The following USP22 variants were observed in gnomAD, a reference collection of about 807,000 sequenced individuals.
The protein encoded by USP22 is ubiquitin carboxyl-terminal hydrolase 22.
Under a neutral mutation model 68.1 loss-of-function variants are expected in USP22, and 22 were observed. The observed-to-expected ratio is 0.32, with a 90% CI of 0.23 to 0.46. The LOEUF is 0.46. USP22 is among the 20% of genes least tolerant of loss of function. The pLI is 1.00. For synonymous variants in USP22, 279 were observed against 274.2 expected, an observed-to-expected ratio of 1.02 and a Z score of -0.17; for missense variants, 433 against 695.8, an observed-to-expected ratio of 0.62 and a Z score of 4.25.
chr17:21,031,527 A>G (rs1250411728), intron 1 of USP22, among the ~76,000 whole-genome samples: 1 of 151,408 alleles, frequency 6.6e-6, no homozygotes, highest in Non-Finnish European at 1.5e-5. Context: ...TATGCTACAC[A>G]CTCCATTATA....
intron 5 of USP22, among the ~76,000 whole-genome samples, 195 bp downstream of exon 5, chr17:21,017,747 C>T (rs945962441): frequency 2.0e-5 from 3 of 152,202 alleles, no homozygotes; most frequent in African/African-American, 2.4e-5. Context: ...GTCAGCAGTG[C>T]GTCCCCAAAA....
chr17:21,003,966 T>C (rs1913687945), intron 12 of USP22, among the ~76,000 whole-genome samples: 1 of 151,756 alleles, frequency 6.6e-6, no homozygotes, highest in East Asian at 1.9e-4. Flanking sequence ...ACAACTGCTC[T>C]GACGTTCTCT....
At chr17:21,009,318 C>CT (rs1913874931) in intron 8 of USP22, among the ~76,000 whole-genome samples, 1 of 152,122 alleles carries the variant, frequency 6.6e-6, no homozygotes, top group Non-Finnish European at 1.5e-5. Flanking sequence ...ATGGAAAGCC[C>CT]TTATTTATGC....
Position 21,002,670 on chromosome 17 carries a change from G to C in USP22, c.*361C>G. ...ACCCATAATCTTACAGCAGGTAGGG[G>C]CCTTTCCACACCGAGTGCTGGGGAA... is the stretch of plus-strand genomic sequence containing the variant. On this transcript the variant is annotated 3_prime_UTR_variant, in exon 13 of 13. Coordinates refer to ENST00000261497, the MANE Select transcript of USP22 (RefSeq NM_015276.2). 3.2e-6 allele frequency: 1 copy of C among 309,342 alleles called. No individual in the cohort carries two copies. Among genetic ancestry groups the C allele is most frequent in the South Asian group, 3.0e-5 (1 of 33,090 alleles). 19.2% of individuals were successfully genotyped at this position (309,342 alleles called of 1,614,324 possible). A position where few individuals can be genotyped will look rare whatever the true frequency, so the allele number is the denominator to read the frequency against.
At chr17:21,026,883 C>G (rs1972227407) in intron 2 of USP22, among the ~76,000 whole-genome samples, 1 of 151,020 alleles carries the variant, frequency 6.6e-6, no homozygotes, top group African/African-American at 2.4e-5. Flanking sequence ...CTCACTGCAA[C>G]CTCCGCCTCC....
chr17:21,004,789 AATAGTGGAGCTGCGGGCAGCC>A lies in USP22; in HGVS notation c.1385+118_1385+138del. The A allele has an allele frequency of 4.8e-4, 42 of 88,078 alleles. 2 individuals are homozygous for A. Among genetic ancestry groups the A allele is most frequent in the South Asian group, 1.9e-3 (4 of 2,100 alleles). The allele number at this position is 88,078 out of a possible 1,614,324, so 5.5% of individuals were successfully genotyped here. ...TTTCCTAGTGGAGCTGCGGGCAGCC[AATAGTGGAGCTGCGGGCAGCC>A]AAGCGGGAAGCAGGTCAGTGGCGGG... On this transcript the variant is annotated intron_variant, in intron 11 of 12. Coordinates refer to ENST00000261497, the MANE Select transcript of USP22 (RefSeq NM_015276.2).
Position 21,002,695 on chromosome 17 carries a change from A to G in USP22, c.*336T>C. 3.1e-6 allele frequency: 1 copy of G among 319,282 alleles called. No homozygotes were observed. The highest frequency in any genetic ancestry group is 7.7e-5 in the East Asian group (1 of 12,982). The allele number at this position is 319,282 out of a possible 1,614,324, so 19.8% of individuals were successfully genotyped here. A position where few individuals can be genotyped will look rare whatever the true frequency, so the allele number is the denominator to read the frequency against. ...GCCTTTCCACACCGAGTGCTGGGGA[A>G]CGCCAGGCAGCGGTCACTCTGTGCT... On this transcript the variant is annotated 3_prime_UTR_variant, in exon 13 of 13. Transcript: ENST00000261497.
intron 2 of USP22, among the ~76,000 whole-genome samples, chr17:21,026,453 A>T (rs1329677720): frequency 2.6e-5 from 4 of 152,016 alleles, no homozygotes; most frequent in Admixed American, 6.6e-5. Context: ...CTGAGTGAGT[A>T]GCTGGGACCA....
In USP22 at chr17:21,006,671, A is replaced by C. The variant is rs191588573; in HGVS notation, c.1322+225T>G. On this transcript the variant is annotated intron_variant, in intron 10 of 12. Transcript: ENST00000261497. ...AGGTGCCTGCCACCACACCCAGCTA[A>C]TTTTTGTATTTTTAGTAGAGACGGG... 7.6e-3 allele frequency: 1,823 copies of C among 241,434 alleles called. 22 individuals carry two copies. The highest frequency in any genetic ancestry group is 0.011 in the Admixed American group (202 of 18,286). The allele number at this position is 241,434 out of a possible 1,614,324, so 15.0% of individuals were successfully genotyped here.
intron 10 of USP22, 109 bp downstream of exon 10, chr17:21,006,787 G>A (rs1913795939): frequency 2.4e-6 from 2 of 832,586 alleles, no homozygotes; most frequent in Non-Finnish European, 3.6e-6. Flanking sequence ...ACAGGCGGGA[G>A]CCACTGCACC....
In USP22 at chr17:21,007,093, G is replaced by GT. The variant is rs1040448770; in HGVS notation, c.1231-107dup. 36 of 975,340 alleles carry GT rather than the reference G, an allele frequency of 3.7e-5. No homozygotes were observed. In the African/African-American group the frequency reaches 5.8e-4, roughly 16 times the overall value. The allele number at this position is 975,340 out of a possible 1,614,324, so 60.4% of individuals were successfully genotyped here. A position where few individuals can be genotyped will look rare whatever the true frequency, so the allele number is the denominator to read the frequency against. ...GACAGGTGTCTGTGTTATCTCTTTTGTATTTTATTGAACTGCCTTGTAGCT... is the reference window on the plus strand; with the variant it reads ...GACAGGTGTCTGTGTTATCTCTTTTGTTATTTTATTGAACTGCCTTGTAGCT... On this transcript the variant is annotated intron_variant, in intron 9 of 12. Coordinates refer to ENST00000261497, the MANE Select transcript of USP22 (RefSeq NM_015276.2).
intron 1 of USP22, among the ~76,000 whole-genome samples, chr17:21,037,583 G>A (rs1205225409): frequency 2.0e-5 from 3 of 152,106 alleles, no homozygotes; most frequent in Non-Finnish European, 4.4e-5. Context: ...CTACATGACC[G>A]GGACTCCTCA....
intron 6 of USP22, 93 bp downstream of exon 6, chr17:21,015,659 C>T: frequency 6.9e-7 from 1 of 1,445,394 alleles, no homozygotes; most frequent in Non-Finnish European, 9.2e-7. Flanking sequence ...TCACCTGTGC[C>T]CCTTTTTGCA....
intron 3 of USP22, among the ~76,000 whole-genome samples, chr17:21,019,460 A>G (rs1460762577): frequency 6.6e-6 from 1 of 152,236 alleles, no homozygotes. Context: ...ATGCCAAAAC[A>G]GTTGTTTTTC....
chr17:21,023,161 C>T (rs1280660973), intron 2 of USP22, among the ~76,000 whole-genome samples: 2 of 152,062 alleles, frequency 1.3e-5, no homozygotes, highest in African/African-American at 4.8e-5. Flanking sequence ...GAACAACAGA[C>T]ACTGCGGCCT....
chr17:21,004,316 G>C lies in USP22; in HGVS notation c.1421C>G (p.Thr474Ser). ...SLFAVVNHQG[T>S]LESGHYTSFI... is the part of the protein sequence containing the mutation. ...GCTGGTGTAGTGGCCACTCTCCAAG[G>C]TCCCTTGATGGTTAACAACAGCAAA... The change falls in exon 12 of 13, where the codon ACC (threonine) becomes AGC (serine). Residue 474 changes from threonine (T) to serine (S), a missense_variant. By Grantham distance (58) the Thr-to-Ser change is moderately conservative. Transcript: ENST00000261497. 1.9e-6 allele frequency: 3 copies of C among 1,614,168 alleles called. No individual in the cohort carries two copies. The highest frequency in any genetic ancestry group is 1.7e-6 in the Non-Finnish European group (2 of 1,180,008).
chr17:21,033,522 G>C (rs1246709479), intron 1 of USP22, among the ~76,000 whole-genome samples: 1 of 152,052 alleles, frequency 6.6e-6, no homozygotes. Context: ...TAGTCAACCA[G>C]ACTTACCCTA....
chr17:21,015,614 C>T (rs1040665974), intron 6 of USP22, 138 bp downstream of exon 6: 17 of 1,243,912 alleles, frequency 1.4e-5, no homozygotes, highest in Middle Eastern at 2.8e-4. Flanking sequence ...AAACAAATGA[C>T]GACAAGGGCT....
At position 21,002,914 on chromosome 17, in the gene USP22, G is replaced by T; in HGVS notation, c.*117C>A. The T allele has an allele frequency of 1.6e-6, 2 of 1,253,900 alleles. No homozygotes were observed. The highest frequency in any genetic ancestry group is 1.3e-5 in the South Asian group (1 of 78,568). The allele number at this position is 1,253,900 out of a possible 1,614,324, so 77.7% of individuals were successfully genotyped here. A position where few individuals can be genotyped will look rare whatever the true frequency, so the allele number is the denominator to read the frequency against. ...GAGGGGCCACATCTGCATGGGAGGT[G>T]GTGTCACCAGGCCGGGGAGGCGGCG... On this transcript the variant is annotated 3_prime_UTR_variant, in exon 13 of 13. Coordinates refer to ENST00000261497, the MANE Select transcript of USP22 (RefSeq NM_015276.2).
Sources: allele counts gnomAD v4.1 joint callset (sites outside exome capture counted in the v4.1 genomes callset), GRCh38; gene constraint gnomAD v4.1.1; transcripts MANE v1.5; gene names NCBI Gene and HGNC (gene_info 2026-07-23, HGNC 2026-07-21).